Variants in EPHA6 observed in about 807,000 individuals in gnomAD.
EPHA6 encodes EPH receptor A6, also known as ephrin type-A receptor 6.
A neutral mutation model predicts 112.0 loss-of-function variants in EPHA6; 50 were observed. The ratio of observed to expected loss-of-function variants is 0.45; its 90% confidence interval spans 0.36 to 0.56. The LOEUF (loss-of-function observed/expected upper bound fraction) is 0.56. EPHA6 is among the 20% of genes least tolerant of loss of function. EPHA6 has a pLI of 0.00. For missense variants in EPHA6, 1,280 were observed against 1,417.4 expected, an observed-to-expected ratio of 0.90 and a Z score of 1.56; for synonymous variants, 529 against 490.7, an observed-to-expected ratio of 1.08 and a Z score of -1.03.
At chr3:97,704,231 G>T (rs1195438784) in intron 14 of EPHA6, among the ~76,000 whole-genome samples, 1 of 152,186 alleles carries the variant, frequency 6.6e-6, no homozygotes. Context: ...ATTTCTGGGT[G>T]CAACCATGAG....
intron 5 of EPHA6, among the ~76,000 whole-genome samples, chr3:97,342,024 C>T (rs1041329648): frequency 1.3e-5 from 2 of 152,112 alleles, no homozygotes; most frequent in African/African-American, 2.4e-5. Flanking sequence ...TTTTCTGTAA[C>T]ATAGAGAGAG....
chr3:97,298,585 T>C (rs2080964205), intron 5 of EPHA6, among the ~76,000 whole-genome samples: 1 of 152,200 alleles, frequency 6.6e-6, no homozygotes, highest in Non-Finnish European at 1.5e-5. Flanking sequence ...AAATTGTCTA[T>C]AATGTGATAG....
chr3:97,020,844 G>A (rs1255580895), intron 3 of EPHA6, among the ~76,000 whole-genome samples: 3 of 151,910 alleles, frequency 2.0e-5, no homozygotes, highest in Admixed American at 1.3e-4. Context: ...CTAGTGATCC[G>A]TTATTGGAAC....
At chr3:97,079,082 T>C (rs1180473403) in intron 3 of EPHA6, among the ~76,000 whole-genome samples, 1 of 152,068 alleles carries the variant, frequency 6.6e-6, no homozygotes, top group East Asian at 1.9e-4. Flanking sequence ...TGCAACACTG[T>C]TTACAATAGC....
chr3:97,071,684 A>T (rs763390569), intron 3 of EPHA6, among the ~76,000 whole-genome samples: 1 of 152,090 alleles, frequency 6.6e-6, no homozygotes, highest in Non-Finnish European at 1.5e-5. Context: ...GATATAATTC[A>T]AGTTGAGATT....
At chr3:97,612,371 G>A (rs1560190077) in intron 13 of EPHA6, 2 of 394,196 alleles carry the variant, frequency 5.1e-6, no homozygotes, top group Admixed American at 5.9e-5. Flanking sequence ...TTTTATTTTT[G>A]TATCAGCTGT....
intron 3 of EPHA6, among the ~76,000 whole-genome samples, chr3:97,205,075 T>G (rs1174394858): frequency 6.6e-6 from 1 of 152,132 alleles, no homozygotes; most frequent in Non-Finnish European, 1.5e-5. Flanking sequence ...TTAAATTCAC[T>G]TGTTTCACAA....
intron 11 of EPHA6, among the ~76,000 whole-genome samples, chr3:97,584,403 T>A (rs2107304208): frequency 6.6e-6 from 1 of 152,316 alleles, no homozygotes; most frequent in South Asian, 2.1e-4. Context: ...ATTTGATATC[T>A]GCAGTGTTTT....
chr3:97,361,099 A>G (rs1421048338), intron 5 of EPHA6, among the ~76,000 whole-genome samples: 2 of 152,170 alleles, frequency 1.3e-5, no homozygotes, highest in African/African-American at 4.8e-5. Flanking sequence ...TTCTACATCT[A>G]CTAGGAGGCT....
chr3:96,968,441 C>T (rs750743929), intron 2 of EPHA6, among the ~76,000 whole-genome samples: 24 of 151,288 alleles, frequency 1.6e-4, no homozygotes, highest in Non-Finnish European at 3.3e-4. Flanking sequence ...AGAGTAGCTT[C>T]AAAAAATATT....
chr3:96,994,597 T>A (rs1001433106), intron 3 of EPHA6, among the ~76,000 whole-genome samples: 2 of 151,542 alleles, frequency 1.3e-5, no homozygotes, highest in African/African-American at 4.8e-5. Context: ...CTCTTAAACA[T>A]TAATTTAGGA....
intron 3 of EPHA6, among the ~76,000 whole-genome samples, chr3:97,081,730 T>C (rs1046672484): frequency 1.3e-5 from 2 of 151,668 alleles, no homozygotes; most frequent in Non-Finnish European, 3.0e-5. Flanking sequence ...TAAAATAATC[T>C]AGATGTCCAA....
At chr3:97,455,809 T>C (rs1299431355) in intron 7 of EPHA6, among the ~76,000 whole-genome samples, 1 of 151,734 alleles carries the variant, frequency 6.6e-6, no homozygotes, top group East Asian at 1.9e-4. Flanking sequence ...AGTAACTATT[T>C]GCACAGAAAG....
intron 14 of EPHA6, among the ~76,000 whole-genome samples, chr3:97,678,841 A>G (rs933120932): frequency 6.6e-6 from 1 of 152,136 alleles, no homozygotes; most frequent in South Asian, 2.1e-4. Flanking sequence ...ATGTGTTTGT[A>G]TATTTATGCT....
intron 3 of EPHA6, among the ~76,000 whole-genome samples, chr3:97,221,858 C>T (rs964283560): frequency 4.6e-5 from 7 of 152,098 alleles, no homozygotes; most frequent in East Asian, 3.9e-4. Flanking sequence ...TGGTGAAACC[C>T]GATCTCTACT....
intron 2 of EPHA6, among the ~76,000 whole-genome samples, chr3:96,935,457 A>G (rs1319715729): frequency 6.6e-6 from 1 of 150,792 alleles, no homozygotes; most frequent in Non-Finnish European, 1.5e-5. Context: ...ATATAAAACT[A>G]TTATAGGTAT....
At chr3:96,912,611 G>A (rs2039274345) in intron 2 of EPHA6, among the ~76,000 whole-genome samples, 1 of 152,132 alleles carries the variant, frequency 6.6e-6, no homozygotes, top group Non-Finnish European at 1.5e-5. Context: ...GTTTTGAAAA[G>A]GGGGTTCACT....
intron 10 of EPHA6, among the ~76,000 whole-genome samples, chr3:97,507,187 C>T (rs968969497): frequency 6.6e-6 from 1 of 152,176 alleles, no homozygotes; most frequent in African/African-American, 2.4e-5. Context: ...CTGGCCAGAA[C>T]TTCCAATACT....
intron 5 of EPHA6, among the ~76,000 whole-genome samples, chr3:97,293,453 G>C (rs947506944): frequency 6.6e-6 from 1 of 152,186 alleles, no homozygotes; most frequent in African/African-American, 2.4e-5. Flanking sequence ...TGAGCGTCCA[G>C]CTCTCTGTGG....
Sources: gnomAD v4.1 joint callset for allele counts (sites outside exome capture counted in the v4.1 genomes callset) on GRCh38, gnomAD v4.1.1 for gene constraint, MANE v1.5 for transcripts, NCBI Gene and HGNC (gene_info 2026-07-23, HGNC 2026-07-21) for gene names.